GALNT13: variants seen among roughly 807,000 people sequenced by gnomAD.
GALNT13 encodes the protein UDP-GalNAc:polypeptide N-acetylgalactosaminyltransferase 13.
GALNT13 carries 28 observed loss-of-function variants against 64.2 expected under a neutral mutation model. The observed-to-expected ratio is 0.44, with a 90% confidence interval of 0.32 to 0.60. The LOEUF is 0.60. Ranked by LOEUF, GALNT13 falls within the 20% of genes least tolerant of loss-of-function variation. GALNT13 has a pLI of 0.05. For synonymous variants in GALNT13, 214 were observed against 224.6 expected (o/e 0.95, Z 0.42); for missense variants, 577 against 669.8 (o/e 0.86, Z 1.53).
chr2:153,193,363 G>A, the GALNT13 span, among the ~76,000 whole-genome samples: 15 of 147,390 alleles, frequency 1.0e-4, no homozygotes, highest in African/African-American at 2.5e-5. Context: ...ACCAAACACC[G>A]CATATTCTCA....
At chr2:153,947,246 A>C (rs184633533) in intron 3 of GALNT13, among the ~76,000 whole-genome samples, 59 of 152,174 alleles carry the variant, frequency 3.9e-4, no homozygotes, top group African/African-American at 1.3e-3. Context: ...TTGGGACATA[A>C]GGGAACAAGG....
At chr2:154,192,085 A>G (rs951511134) in intron 4 of GALNT13, among the ~76,000 whole-genome samples, 8 of 152,312 alleles carry the variant, frequency 5.3e-5, no homozygotes, top group African/African-American at 1.9e-4. Context: ...CGGGCTGCTC[A>G]GCAGCCAGGC....
At chr2:154,189,911 C>T (rs1222116397) in intron 4 of GALNT13, among the ~76,000 whole-genome samples, 4 of 152,160 alleles carry the variant, frequency 2.6e-5, no homozygotes. Context: ...AACAGTGCTA[C>T]TTAAATTGTT....
chr2:154,030,625 A>T (rs980910545), intron 3 of GALNT13, among the ~76,000 whole-genome samples: 1 of 152,074 alleles, frequency 6.6e-6, no homozygotes, highest in Non-Finnish European at 1.5e-5. Flanking sequence ...TGTAATTGCC[A>T]CATGTCAGGG....
intron 3 of GALNT13, among the ~76,000 whole-genome samples, chr2:154,139,621 AACACACACAC>A (rs59526662): frequency 9.2e-4 from 135 of 147,532 alleles, no homozygotes; most frequent in African/African-American, 3.3e-3. Flanking sequence ...ATGTGTAGGC[AACACACACAC>A]ACACACACAC....
At chr2:153,317,497 G>T in the GALNT13 span, among the ~76,000 whole-genome samples, 4 of 152,120 alleles carry the variant, frequency 2.6e-5, no homozygotes, top group Non-Finnish European at 4.4e-5. Context: ...GGTGGTTTCT[G>T]ATTCTTTTAA....
chr2:153,811,175 A>G, the GALNT13 span, among the ~76,000 whole-genome samples: 1 of 152,276 alleles, frequency 6.6e-6, no homozygotes, highest in Non-Finnish European at 1.5e-5. Flanking sequence ...GAAATACCCA[A>G]CTGGAGAATG....
chr2:153,969,283 G>C (rs1046941961), intron 3 of GALNT13, among the ~76,000 whole-genome samples: 3 of 151,822 alleles, frequency 2.0e-5, no homozygotes, highest in Non-Finnish European at 4.4e-5. Context: ...TAATTTACCT[G>C]AAGTTAATAG....
At chr2:154,085,879 CAG>C (rs1357231940) in intron 3 of GALNT13, among the ~76,000 whole-genome samples, 1 of 151,768 alleles carries the variant, frequency 6.6e-6, no homozygotes, top group African/African-American at 2.4e-5. Flanking sequence ...TCTTGGACAA[CAG>C]AGTGGGGCTC....
chr2:153,828,218 T>C, the GALNT13 span, among the ~76,000 whole-genome samples: 1 of 152,222 alleles, frequency 6.6e-6, no homozygotes, highest in Non-Finnish European at 1.5e-5. Flanking sequence ...AGAATGGCGA[T>C]GGGCCTCTTC....
At chr2:153,786,833 C>A in the GALNT13 span, among the ~76,000 whole-genome samples, 1 of 152,174 alleles carries the variant, frequency 6.6e-6, no homozygotes. Context: ...CCATAAGTAT[C>A]TGTCCACACC....
chr2:153,460,728 G>T, the GALNT13 span, among the ~76,000 whole-genome samples: 1 of 152,112 alleles, frequency 6.6e-6, no homozygotes, highest in East Asian at 1.9e-4. Flanking sequence ...ATAAACAACA[G>T]TGCAGCCCTG....
chr2:154,021,514 G>A (rs1353022570), intron 3 of GALNT13, among the ~76,000 whole-genome samples: 1 of 152,116 alleles, frequency 6.6e-6, no homozygotes, highest in East Asian at 1.9e-4. Context: ...TCTGTTATTG[G>A]TGTATAAGAA....
At chr2:153,089,758 G>T in the GALNT13 span, among the ~76,000 whole-genome samples, 1 of 151,924 alleles carries the variant, frequency 6.6e-6, no homozygotes, top group Non-Finnish European at 1.5e-5. Flanking sequence ...ACTTCTCTGA[G>T]TGTGTTTTTC....
chr2:153,683,346 GTTA>G, the GALNT13 span, among the ~76,000 whole-genome samples: 1 of 151,692 alleles, frequency 6.6e-6, no homozygotes, highest in Non-Finnish European at 1.5e-5. Flanking sequence ...ATAATTATAA[GTTA>G]TTATTATCAG....
At chr2:153,897,617 C>G (rs1687969517) in intron 1 of GALNT13, among the ~76,000 whole-genome samples, 1 of 152,018 alleles carries the variant, frequency 6.6e-6, no homozygotes, top group South Asian at 2.1e-4. Context: ...CCATGTTTGT[C>G]ATCACACTTT....
the GALNT13 span, among the ~76,000 whole-genome samples, chr2:153,403,547 T>G: frequency 1.3e-5 from 2 of 152,192 alleles, no homozygotes; most frequent in Admixed American, 1.3e-4. Flanking sequence ...CCTTGCAGTT[T>G]GATCTCAGAC....
chr2:153,123,925 G>A, the GALNT13 span, among the ~76,000 whole-genome samples: 1 of 152,104 alleles, frequency 6.6e-6, no homozygotes, highest in African/African-American at 2.4e-5. Context: ...TCTGAGACTG[G>A]ACTTGCTTCT....
At chr2:153,850,678 G>T in the GALNT13 span, among the ~76,000 whole-genome samples, 1 of 152,180 alleles carries the variant, frequency 6.6e-6, no homozygotes, top group Non-Finnish European at 1.5e-5. Context: ...AGATGGTAAA[G>T]ATTGAGCATG....
Sources: gnomAD v4.1 joint callset for allele counts (sites outside exome capture counted in the v4.1 genomes callset) on GRCh38, gnomAD v4.1.1 for gene constraint, MANE v1.5 for transcripts, NCBI Gene and HGNC (gene_info 2026-07-23, HGNC 2026-07-21) for gene names.